Variants in IBTK observed in about 807,000 individuals in gnomAD.
IBTK encodes the protein BTK-binding protein.
A neutral mutation model predicts 154.9 loss-of-function variants in IBTK; 83 were observed. The observed-to-expected ratio is 0.54, with a 90% CI of 0.45 to 0.64. The LOEUF is 0.64. IBTK is among the 30% of genes least tolerant of loss of function. IBTK has a pLI of 0.00. For missense variants in IBTK, 1,332 were observed against 1,584.6 expected (o/e 0.84, Z 2.71); for synonymous variants, 515 against 536.1 (o/e 0.96, Z 0.54).
chr6:82,206,805 A>C (rs1207192475), intron 16 of IBTK, among the ~76,000 whole-genome samples: 1 of 152,218 alleles, frequency 6.6e-6, no homozygotes, highest in African/African-American at 2.4e-5. Flanking sequence ...AAATCAATCA[A>C]TATAATACAC....
chr6:82,175,344 T>A (rs1562067161), intron 26 of IBTK, among the ~76,000 whole-genome samples: 1 of 152,216 alleles, frequency 6.6e-6, no homozygotes, highest in Non-Finnish European at 1.5e-5. Context: ...GTATTACTAC[T>A]CTCATTTCCA....
chr6:82,200,788 AC>A, intron 19 of IBTK, 80 bp from the exon 20 acceptor site: 4 of 1,310,832 alleles, frequency 3.1e-6, no homozygotes, highest in Non-Finnish European at 3.9e-6. Context: ...TTTTGTGCAC[AC>A]GTGGCTCTTG....
intron 4 of IBTK, among the ~76,000 whole-genome samples, chr6:82,228,507 TTTCA>T (rs1770376339): frequency 6.6e-6 from 1 of 152,246 alleles, no homozygotes; most frequent in African/African-American, 2.4e-5. Flanking sequence ...AAAGAATACA[TTTCA>T]TTCAATTTTA....
chr6:82,241,889 G>A (rs1193458654), intron 1 of IBTK, among the ~76,000 whole-genome samples: 2 of 152,128 alleles, frequency 1.3e-5, no homozygotes, highest in African/African-American at 2.4e-5. Context: ...ATGCATCAGA[G>A]GGAAGTATGA....
At chr6:82,179,276 C>T (rs998793445) in intron 26 of IBTK, among the ~76,000 whole-genome samples, 1 of 151,998 alleles carries the variant, frequency 6.6e-6, no homozygotes, top group East Asian at 1.9e-4. Context: ...AAGAAGATTC[C>T]GAAAAAACAG....
At chr6:82,231,695 T>C in intron 4 of IBTK, 23 bp downstream of exon 4, 1 of 1,569,610 alleles carries the variant, frequency 6.4e-7, no homozygotes, top group South Asian at 1.2e-5. Context: ...TCTAAAAGTA[T>C]ATAGATTGTA....
rs1429009508 is a variant in IBTK at position 82,211,514 on chromosome 6, T to A, written c.2350A>T (p.Lys784Ter). The change falls in exon 14 of 29, where the codon AAA (lysine) becomes TAA (stop). Residue 784 changes from lysine to a stop codon, truncating the protein, a stop_gained. Transcript: ENST00000306270. LOFTEE classifies it high-confidence loss of function. ...SVDGKEFPCH[K>*]CVLCARLEYF... ...CCAAGTCTAGCACAAAGAACACATT[T>A]ATGACAAGGAAATTCCTTTCCATCC... 1 of 1,613,754 alleles carries A rather than the reference T, an allele frequency of 6.2e-7. No homozygotes were observed. Among genetic ancestry groups the A allele is most frequent in the Admixed American group, 1.7e-5 (1 of 60,026 alleles).
chr6:82,195,229 C>T (rs889325542), intron 22 of IBTK, among the ~76,000 whole-genome samples: 1 of 151,860 alleles, frequency 6.6e-6, no homozygotes, highest in African/African-American at 2.4e-5. Flanking sequence ...TCTTACAGAC[C>T]AACCTTAGTG....
At chr6:82,208,193 C>A (rs1351502479) in intron 16 of IBTK, among the ~76,000 whole-genome samples, 3 of 150,730 alleles carry the variant, frequency 2.0e-5, no homozygotes, top group African/African-American at 4.9e-5. Context: ...AATTATCTCT[C>A]TCTATATATA....
chr6:82,236,877 A>G (rs1770737096), intron 2 of IBTK, among the ~76,000 whole-genome samples: 1 of 152,220 alleles, frequency 6.6e-6, no homozygotes, highest in Non-Finnish European at 1.5e-5. Context: ...GCCTACCAAC[A>G]TGAGAATGCT....
chr6:82,192,863 G>A (rs750254069), intron 23 of IBTK, among the ~76,000 whole-genome samples: 12 of 152,068 alleles, frequency 7.9e-5, no homozygotes, highest in Non-Finnish European at 1.3e-4. Flanking sequence ...ACTTTGGGAG[G>A]CCGAGGTGGG....
intron 16 of IBTK, among the ~76,000 whole-genome samples, chr6:82,207,608 AG>A (rs1340599040): frequency 2.0e-5 from 3 of 152,292 alleles, no homozygotes; most frequent in Admixed American, 2.0e-4. Context: ...TGAAAATGCA[AG>A]AAACCCAAAA....
At chr6:82,223,746 C>A (rs955680145) in intron 7 of IBTK, 126 bp from the exon 8 acceptor site, 1 of 725,410 alleles carries the variant, frequency 1.4e-6, no homozygotes. Context: ...ATCCCTTGAG[C>A]CCTGGAGCTC....
intron 4 of IBTK, among the ~76,000 whole-genome samples, chr6:82,229,093 G>C (rs1331439244): frequency 6.6e-6 from 1 of 151,978 alleles, no homozygotes; most frequent in African/African-American, 2.4e-5. Context: ...TATATAACTG[G>C]TACTCAATTA....
intron 21 of IBTK, among the ~76,000 whole-genome samples, chr6:82,197,760 T>A (rs9449446): frequency 0.17 from 25,607 of 152,056 alleles, 2,202 homozygotes; most frequent in Non-Finnish European, 0.18. Flanking sequence ...TAGAAATAAA[T>A]CCAGAAAAAA....
chr6:82,199,372 T>C (rs761473216), intron 21 of IBTK, among the ~76,000 whole-genome samples: 15 of 150,582 alleles, frequency 1.0e-4, no homozygotes, highest in African/African-American at 3.5e-4. Flanking sequence ...TAGGTGTTCA[T>C]GGTATTTTTC....
chr6:82,174,776 A>G (rs150065684), intron 26 of IBTK: 56 of 354,500 alleles, frequency 1.6e-4, no homozygotes, highest in African/African-American at 1.1e-3. Context: ...AGATTAAAAA[A>G]CAAACTCAAA....
chr6:82,211,312 A>C, intron 15 of IBTK, 55 bp downstream of exon 15: 1 of 1,408,960 alleles, frequency 7.1e-7, no homozygotes, highest in Non-Finnish European at 9.7e-7. Flanking sequence ...CATACTTTGC[A>C]CAAAATATAA....
intron 3 of IBTK, among the ~76,000 whole-genome samples, chr6:82,232,176 T>C (rs1770536296): frequency 6.6e-6 from 1 of 152,124 alleles, no homozygotes; most frequent in South Asian, 2.1e-4. Flanking sequence ...ATTACAGGCA[T>C]AAGCCACTCT....
Sources: gnomAD v4.1 joint callset for allele counts (sites outside exome capture counted in the v4.1 genomes callset) on GRCh38, gnomAD v4.1.1 for gene constraint, MANE v1.5 for transcripts, NCBI Gene and HGNC (gene_info 2026-07-23, HGNC 2026-07-21) for gene names.